CDH4: variants seen among roughly 807,000 people sequenced by gnomAD.
The protein encoded by CDH4 is cadherin-4.
In CDH4, 33 loss-of-function variants were observed where a neutral mutation model predicts 86.0. That is an observed-to-expected ratio of 0.38 (90% CI 0.29 to 0.51). The LOEUF is 0.51. Ranked by LOEUF, CDH4 falls within the 20% of genes least tolerant of loss-of-function variation. The pLI, the probability that CDH4 is intolerant of heterozygous loss-of-function variation, is 0.86. For missense variants in CDH4, 1,114 were observed against 1,307.4 expected (o/e 0.85, Z 2.28); for synonymous variants, 555 against 549.4 (o/e 1.01, Z -0.14).
At chr20:61,921,748 CAAAAAAAA>C (rs11468230) in intron 9 of CDH4, among the ~76,000 whole-genome samples, 4 of 134,722 alleles carry the variant, frequency 3.0e-5, no homozygotes. Context: ...AAGACTCTGT[CAAAAAAAA>C]AAAAAAAAAA....
intron 9 of CDH4, among the ~76,000 whole-genome samples, chr20:61,911,228 G>A (rs577511437): frequency 7.9e-5 from 12 of 152,150 alleles, no homozygotes; most frequent in South Asian, 4.2e-4. Flanking sequence ...GAGAGAGATC[G>A]GTTTGTAACT....
chr20:61,713,516 AT>A (rs1160729959), intron 2 of CDH4, among the ~76,000 whole-genome samples: 4 of 152,230 alleles, frequency 2.6e-5, no homozygotes, highest in African/African-American at 9.6e-5. Flanking sequence ...GGTCTCTGGG[AT>A]GCTGAGCTCC....
At chr20:61,722,662 TC>T (rs750886287) in intron 2 of CDH4, among the ~76,000 whole-genome samples, 1 of 140,292 alleles carries the variant, frequency 7.1e-6, no homozygotes, top group Non-Finnish European at 1.5e-5. Flanking sequence ...AGTGGACATG[TC>T]ATGTGCATGG....
At chr20:61,638,042 GAA>G (rs1031060069) in intron 2 of CDH4, among the ~76,000 whole-genome samples, 2 of 74,800 alleles carry the variant, frequency 2.7e-5, no homozygotes, top group Non-Finnish European at 5.4e-5. Flanking sequence ...AAAAAAAAAT[GAA>G]GAGAGGAGAG....
At chr20:61,640,713 C>G (rs182814177) in intron 2 of CDH4, among the ~76,000 whole-genome samples, 17 of 152,290 alleles carry the variant, frequency 1.1e-4, no homozygotes, top group African/African-American at 3.4e-4. Context: ...AGCCTTGAAT[C>G]CATACATGAT....
chr20:61,630,782 G>C (rs2145787518), intron 2 of CDH4, among the ~76,000 whole-genome samples: 1 of 152,292 alleles, frequency 6.6e-6, no homozygotes, highest in Admixed American at 6.5e-5. Context: ...TGACTCTCTG[G>C]GTAGAAATAG....
At chr20:61,885,942 C>G (rs1377835284) in intron 7 of CDH4, among the ~76,000 whole-genome samples, 1 of 152,300 alleles carries the variant, frequency 6.6e-6, no homozygotes, top group African/African-American at 2.4e-5. Flanking sequence ...GTGGGAACAG[C>G]GCTGACCTGA....
chr20:61,828,990 G>T (rs1424118731), intron 4 of CDH4, among the ~76,000 whole-genome samples: 1 of 152,164 alleles, frequency 6.6e-6, no homozygotes, highest in Non-Finnish European at 1.5e-5. Context: ...TCACAACAGG[G>T]TCCACACTCC....
intron 2 of CDH4, among the ~76,000 whole-genome samples, chr20:61,677,702 C>CGGAT (rs796511668): frequency 1.2e-4 from 18 of 151,710 alleles, no homozygotes; most frequent in African/African-American, 3.9e-4. Flanking sequence ...GACAGACGGA[C>CGGAT]GGATGGATGG....
chr20:61,904,475 C>G (rs922889502), intron 8 of CDH4, among the ~76,000 whole-genome samples: 1 of 152,134 alleles, frequency 6.6e-6, no homozygotes, highest in Non-Finnish European at 1.5e-5. Flanking sequence ...TCCTCACGCC[C>G]ACCAGCCAGA....
At position 61,663,287 on chromosome 20, in the gene CDH4, G is replaced by A. The variant is rs373994571; in HGVS notation, c.170-80276G>A. ...CGCCCACGACAAATGAGTCCACGCAGGAAAGGAGTGGCACCCGCAGGAGGC... is the reference window on the plus strand; with the variant it reads ...CGCCCACGACAAATGAGTCCACGCAAGAAAGGAGTGGCACCCGCAGGAGGC... On this transcript the variant is annotated intron_variant, in intron 2 of 15. Coordinates refer to ENST00000614565, the MANE Select transcript of CDH4 (RefSeq NM_001794.5). This position sits in a 1 kb window ranked among gnomAD's most constrained non-coding sequence, Gnocchi z 5.0. 9.2e-4 allele frequency among the ~76,000 whole-genome samples: 140 copies of A among 152,358 alleles called. No individual in the cohort carries two copies. The highest frequency in any genetic ancestry group is 3.2e-3 in the African/African-American group (133 of 41,582).
chr20:61,579,256 G>C lies in CDH4; in HGVS notation c.170-164307G>C, dbSNP rs75514437. Among the ~76,000 whole-genome samples, 1,299 of 151,624 alleles carry C rather than the reference G, an allele frequency of 8.6e-3. 23 individuals carry two copies. Among genetic ancestry groups the C allele is most frequent in the African/African-American group, 0.03 (1,251 of 41,366 alleles). ...ACTAGCAGCCAGCCAGGCAGTCGGG[G>C]AGTTGCCTCTAAATCTCCCTCGATG... is the stretch of plus-strand genomic sequence containing the variant. On this transcript the variant is annotated intron_variant, in intron 2 of 15. Coordinates refer to ENST00000614565, the MANE Select transcript of CDH4 (RefSeq NM_001794.5).
intron 7 of CDH4, among the ~76,000 whole-genome samples, chr20:61,878,719 G>A (rs909985190): frequency 2.0e-5 from 3 of 152,242 alleles, no homozygotes; most frequent in Non-Finnish European, 2.9e-5. Context: ...CCCCTTGGCC[G>A]GAGGAGACGC....
At chr20:61,522,355 C>G (rs868594939) in intron 2 of CDH4, among the ~76,000 whole-genome samples, 1 of 152,214 alleles carries the variant, frequency 6.6e-6, no homozygotes, top group South Asian at 2.1e-4. Flanking sequence ...CCAAACCCCT[C>G]CAGCCACTGA....
At chr20:61,662,742 C>T (rs1055299495) in intron 2 of CDH4, among the ~76,000 whole-genome samples, 2 of 152,166 alleles carry the variant, frequency 1.3e-5, no homozygotes, top group Non-Finnish European at 2.9e-5. Flanking sequence ...ACCTGGACTC[C>T]GGCCAGCAAG....
chr20:61,699,823 C>A (rs1436845455), intron 2 of CDH4, among the ~76,000 whole-genome samples: 3 of 152,046 alleles, frequency 2.0e-5, no homozygotes, highest in Non-Finnish European at 2.9e-5. Flanking sequence ...GGGGCACACA[C>A]ATGTCGTGAC....
intron 4 of CDH4, among the ~76,000 whole-genome samples, chr20:61,800,226 A>G (rs1383184242): frequency 6.6e-6 from 1 of 152,102 alleles, no homozygotes; most frequent in Non-Finnish European, 1.5e-5. Context: ...CGAAGACCAG[A>G]CCGCACTCCC....
Position 61,516,606 on chromosome 20 carries a change from C to T in CDH4, c.170-226957C>T, listed in dbSNP as rs1244424536. 6.6e-6 allele frequency among the ~76,000 whole-genome samples: 1 copy of T among 152,184 alleles called. No homozygotes were observed. The highest frequency in any genetic ancestry group is 1.9e-4 in the East Asian group (1 of 5,190). On this transcript the variant is annotated intron_variant, in intron 2 of 15. Coordinates refer to ENST00000614565, the MANE Select transcript of CDH4 (RefSeq NM_001794.5). This position sits in a 1 kb window ranked among gnomAD's most constrained non-coding sequence, Gnocchi z 4.0. ...GAAAACAGTTTACAAGGTCATCTGG[C>T]AGAAAGCTCAGTGGCTGAGCTATTT... is the stretch of plus-strand genomic sequence containing the variant.
intron 4 of CDH4, among the ~76,000 whole-genome samples, chr20:61,818,664 C>T (rs912452236): frequency 3.4e-5 from 5 of 145,066 alleles, no homozygotes; most frequent in South Asian, 4.4e-4. Flanking sequence ...AGCAATAGAA[C>T]GAAGTCTCTT....
Sources: gnomAD v4.1 joint callset for allele counts (sites outside exome capture counted in the v4.1 genomes callset) on GRCh38, gnomAD v4.1.1 for gene constraint, Gnocchi (gnomAD v3.1) non-coding constraint, MANE v1.5 for transcripts, NCBI Gene and HGNC (gene_info 2026-07-23, HGNC 2026-07-21) for gene names.